Variants in CCDC148 observed in about 807,000 individuals in gnomAD.
The protein encoded by CCDC148 is coiled-coil domain-containing protein 148.
A neutral mutation model predicts 85.7 loss-of-function variants in CCDC148; 89 were observed. The ratio of observed to expected loss-of-function variants is 1.04; its 90% CI spans 0.87 to 1.24. The LOEUF (loss-of-function observed/expected upper bound fraction) is 1.24. Among genes scored for constraint, CCDC148 ranks in the 50% most tolerant of loss-of-function variants. The pLI, the probability that CCDC148 is intolerant of heterozygous loss-of-function variation, is 0.00. For missense variants in CCDC148, 692 were observed against 671.7 expected, an observed-to-expected ratio of 1.03 and a Z score of -0.33; for synonymous variants, 230 against 213.9, an observed-to-expected ratio of 1.08 and a Z score of -0.66.
At chr2:158,267,808 T>G (rs1689534780) in intron 9 of CCDC148, among the ~76,000 whole-genome samples, 1 of 152,212 alleles carries the variant, frequency 6.6e-6, no homozygotes, top group South Asian at 2.1e-4. Context: ...CCTATAGTTT[T>G]GCCTTTTCTA....
chr2:158,225,609 C>A (rs1211466205), intron 10 of CCDC148, among the ~76,000 whole-genome samples: 1 of 152,216 alleles, frequency 6.6e-6, no homozygotes, highest in African/African-American at 2.4e-5. Context: ...AACTGTCTGT[C>A]AGACCACAGT....
In CCDC148 at chr2:158,339,065, T is replaced by C. The variant is rs1682539304; in HGVS notation, c.507A>G (p.Gln169=). Residue 169 remains glutamine, a synonymous_variant, in exon 6 of 14, where the codon CAA becomes CAG. Coordinates refer to ENST00000283233, the MANE Select transcript of CCDC148 (RefSeq NM_138803.4). ...TAAGTCTTTCAAAGACAGTTTTCAA[T>C]TGTTTCTTCACAAAGTCAACCTATA... is the stretch of plus-strand genomic sequence containing the variant. ...VLEEVDFVKK[Q]LKTVFERLRL... The C allele has an allele frequency of 1.2e-6, 2 of 1,613,750 alleles. No homozygotes were observed. The highest frequency in any genetic ancestry group is 4.5e-5 in the East Asian group (2 of 44,848).
At chr2:158,206,499 AGAAATGTCCCT>A (rs1352870679) in intron 11 of CCDC148, among the ~76,000 whole-genome samples, 1 of 152,254 alleles carries the variant, frequency 6.6e-6, no homozygotes, top group African/African-American at 2.4e-5. Flanking sequence ...GGCCCTGCTC[AGAAATGTCCCT>A]GAAAGGGGAT....
At chr2:158,252,759 T>C (rs1481830999) in intron 9 of CCDC148, among the ~76,000 whole-genome samples, 2 of 151,832 alleles carry the variant, frequency 1.3e-5, no homozygotes, top group Non-Finnish European at 3.0e-5. Flanking sequence ...CATTATTTGA[T>C]GTGCTTATCC....
intron 1 of CCDC148, among the ~76,000 whole-genome samples, chr2:158,421,887 T>C (rs200655037): frequency 1.3e-5 from 2 of 151,190 alleles, no homozygotes; most frequent in Non-Finnish European, 3.0e-5. Context: ...ATAGACGCAA[T>C]AAAAAATGAT....
At chr2:158,225,057 C>A (rs575150431) in intron 10 of CCDC148, among the ~76,000 whole-genome samples, 3 of 152,198 alleles carry the variant, frequency 2.0e-5, no homozygotes, top group African/African-American at 7.2e-5. Context: ...TTCACGAAAC[C>A]CATCTCATGT....
At chr2:158,216,178 A>G (rs999900367) in intron 11 of CCDC148, among the ~76,000 whole-genome samples, 1 of 152,204 alleles carries the variant, frequency 6.6e-6, no homozygotes, top group Non-Finnish European at 1.5e-5. Flanking sequence ...ATGTATATGC[A>G]TTTAAAAATG....
intron 1 of CCDC148, among the ~76,000 whole-genome samples, chr2:158,369,926 A>G (rs1684367627): frequency 6.6e-6 from 1 of 152,158 alleles, no homozygotes. Context: ...CTATTGAGAA[A>G]ATCATCTGGT....
intron 1 of CCDC148, among the ~76,000 whole-genome samples, chr2:158,445,705 T>G (rs1430188405): frequency 6.6e-6 from 1 of 152,152 alleles, no homozygotes; most frequent in East Asian, 1.9e-4. Context: ...ATAACACTTT[T>G]GAGGATATAT....
chr2:158,277,329 C>T (rs1689997774), intron 9 of CCDC148, among the ~76,000 whole-genome samples: 1 of 152,154 alleles, frequency 6.6e-6, no homozygotes. Flanking sequence ...GCCTACATTT[C>T]CTTGAGGTGA....
intron 9 of CCDC148, among the ~76,000 whole-genome samples, chr2:158,277,756 C>T (rs571094994): frequency 5.9e-5 from 9 of 152,246 alleles, no homozygotes; most frequent in African/African-American, 1.4e-4. Flanking sequence ...GCCATCATGC[C>T]CAGCTAATTT....
rs1419414147 is a variant in CCDC148 at position 158,340,505 on chromosome 2, G to A, written c.334+93C>T. 4 of 1,406,182 alleles carry A rather than the reference G, an allele frequency of 2.8e-6. No homozygotes were observed. The East Asian group carries it at 7.0e-5, about 25-fold the overall frequency. The allele number at this position is 1,406,182 out of a possible 1,614,324, so 87.1% of individuals were successfully genotyped here. A position where few individuals can be genotyped will look rare whatever the true frequency, so the allele number is the denominator to read the frequency against. On this transcript the variant is annotated intron_variant, in intron 4 of 13. Coordinates refer to ENST00000283233, the MANE Select transcript of CCDC148 (RefSeq NM_138803.4). ...GGGATTTCCTTAGAAAAAAACAAAT[G>A]GCAGTTAATATTAAAAGAACATGAA...
chr2:158,323,919 C>CTTTTTTTTTTTTTTTTTT (rs777356867), intron 7 of CCDC148, among the ~76,000 whole-genome samples: 17 of 82,968 alleles, frequency 2.0e-4, no homozygotes, highest in Non-Finnish European at 3.4e-4. Flanking sequence ...CTGGGAATAA[C>CTTTTTTTTTTTTTTTTTT]TTTTTTTTTT....
At chr2:158,343,901 T>C (rs967226904) in intron 3 of CCDC148, among the ~76,000 whole-genome samples, 1 of 152,206 alleles carries the variant, frequency 6.6e-6, no homozygotes, top group Non-Finnish European at 1.5e-5. Context: ...TATCATTACT[T>C]AAGTGTTCCT....
chr2:158,453,265 A>T (rs1047251393), intron 1 of CCDC148, among the ~76,000 whole-genome samples: 9 of 152,222 alleles, frequency 5.9e-5, no homozygotes, highest in Admixed American at 4.6e-4. Flanking sequence ...ACAATACAGT[A>T]AGGAAGAACT....
chr2:158,444,562 C>T (rs1688078124), intron 1 of CCDC148, among the ~76,000 whole-genome samples: 1 of 151,898 alleles, frequency 6.6e-6, no homozygotes, highest in Non-Finnish European at 1.5e-5. Context: ...AGGAGGATTG[C>T]TTGAGCCCAG....
chr2:158,326,708 G>C (rs1425364898), intron 7 of CCDC148, among the ~76,000 whole-genome samples: 1 of 151,654 alleles, frequency 6.6e-6, no homozygotes, highest in Non-Finnish European at 1.5e-5. Context: ...AAAATTTTTA[G>C]AATAGAAACA....
chr2:158,281,881 A>T (rs528251866), intron 9 of CCDC148, among the ~76,000 whole-genome samples: 1 of 152,162 alleles, frequency 6.6e-6, no homozygotes, highest in Non-Finnish European at 1.5e-5. Context: ...ATCCTCAATA[A>T]AATACTGGCA....
intron 11 of CCDC148, among the ~76,000 whole-genome samples, chr2:158,215,826 T>G (rs1045797035): frequency 2.0e-5 from 3 of 152,208 alleles, no homozygotes; most frequent in Non-Finnish European, 1.5e-5. Flanking sequence ...TATTTGGATA[T>G]GTAGCCCTCA....
Sources: gnomAD v4.1 joint callset for allele counts (sites outside exome capture counted in the v4.1 genomes callset) on GRCh38, gnomAD v4.1.1 for gene constraint, MANE v1.5 for transcripts, NCBI Gene and HGNC (gene_info 2026-07-23, HGNC 2026-07-21) for gene names.